PARVA: variants seen among roughly 807,000 people sequenced by gnomAD.
PARVA encodes parvin alpha.
In PARVA, 25 loss-of-function variants were observed where a neutral mutation model predicts 52.6. The ratio of observed to expected loss-of-function variants is 0.48; its 90% CI spans 0.35 to 0.66. PARVA has a LOEUF of 0.66. PARVA is among the 30% of genes least tolerant of loss of function. PARVA has a pLI of 0.01. For missense variants in PARVA, 373 were observed against 450.9 expected (o/e 0.83, Z 1.56); for synonymous variants, 185 against 179.1 (o/e 1.03, Z -0.26).
intron 12 of PARVA, among the ~76,000 whole-genome samples, chr11:12,527,370 A>C (rs965322045): frequency 2.6e-5 from 4 of 152,168 alleles, no homozygotes; most frequent in Non-Finnish European, 5.9e-5. Context: ...CTCCAGCTGA[A>C]GTTTTAGCAC....
At chr11:12,470,269 T>C (rs1485780481) in intron 1 of PARVA, among the ~76,000 whole-genome samples, 1 of 152,230 alleles carries the variant, frequency 6.6e-6, no homozygotes, top group South Asian at 2.1e-4. Flanking sequence ...ATTTCTTGAG[T>C]GCTTACAATG....
At chr11:12,386,647 G>A (rs1939575854) in intron 1 of PARVA, among the ~76,000 whole-genome samples, 1 of 152,144 alleles carries the variant, frequency 6.6e-6, no homozygotes. Flanking sequence ...TATTTACCTT[G>A]ATGAAAATAG....
chr11:12,409,808 A>G (rs1939968342), intron 1 of PARVA, among the ~76,000 whole-genome samples: 1 of 152,278 alleles, frequency 6.6e-6, no homozygotes, highest in African/African-American at 2.4e-5. Context: ...CTAATTTGTT[A>G]GAGCCACAGT....
intron 6 of PARVA, among the ~76,000 whole-genome samples, 194 bp downstream of exon 6, chr11:12,504,623 G>C (rs1163849696): frequency 6.6e-6 from 1 of 152,190 alleles, no homozygotes; most frequent in Non-Finnish European, 1.5e-5. Flanking sequence ...ACACAAGATG[G>C]AAGAGCGTGT....
At chr11:12,401,974 T>C (rs1278123740) in intron 1 of PARVA, among the ~76,000 whole-genome samples, 1 of 152,210 alleles carries the variant, frequency 6.6e-6, no homozygotes, top group African/African-American at 2.4e-5. Flanking sequence ...AGAATGTAGA[T>C]AATAATTTCA....
At position 12,510,582 on chromosome 11, in the gene PARVA, AAATGGTTT is replaced by A. The variant is rs201084823; in HGVS notation, c.717-929_717-922del. Among the ~76,000 whole-genome samples the A allele has an allele frequency of 9.5e-3, 1,447 of 152,162 alleles. 21 individuals are homozygous for A. The highest frequency in any genetic ancestry group is 0.033 in the African/African-American group (1,360 of 41,466). ...AAAACTGGGAATGAAAAATGGTGAAAAATGGTTTAACTGGACTTACAGTTCCACATGGC... is the reference window on the plus strand; with the variant it reads ...AAAACTGGGAATGAAAAATGGTGAAAAACTGGACTTACAGTTCCACATGGC... On this transcript the variant is annotated intron_variant, in intron 7 of 12. Transcript: ENST00000334956.
chr11:12,413,666 G>A (rs1940024275), intron 1 of PARVA, among the ~76,000 whole-genome samples: 1 of 152,200 alleles, frequency 6.6e-6, no homozygotes, highest in Non-Finnish European at 1.5e-5. Flanking sequence ...CCTCTCCTCT[G>A]CTTTAACCTC....
rs765226403 is a variant in PARVA at position 12,473,758 on chromosome 11, G to C, written c.150G>C (p.Gln50His). The change falls in exon 2 of 13, where the codon CAG becomes CAC. Residue 50 changes from glutamine (Q) to histidine (H), a missense_variant. Transcript: ENST00000334956. ...RKKAKEVSEL[Q>H]EEGMNAINLP... ...CTTTTCTTCCAGTGTCCGAGCTGCAGGAGGAGGGAATGAACGCCATCAACC... is the reference window on the plus strand; with the variant it reads ...CTTTTCTTCCAGTGTCCGAGCTGCACGAGGAGGGAATGAACGCCATCAACC... 3.8e-6 allele frequency: 6 copies of C among 1,564,886 alleles called. No homozygotes were observed. Among genetic ancestry groups the C allele is most frequent in the Non-Finnish European group, 5.2e-6 (6 of 1,153,936 alleles).
At chr11:12,402,166 G>C (rs571661934) in intron 1 of PARVA, among the ~76,000 whole-genome samples, 71 of 152,266 alleles carry the variant, frequency 4.7e-4, no homozygotes, top group African/African-American at 1.7e-3. Flanking sequence ...GTGCCCCAAG[G>C]CAACAGCAGG....
intron 1 of PARVA, among the ~76,000 whole-genome samples, chr11:12,465,226 C>A (rs915013209): frequency 5.9e-5 from 9 of 152,054 alleles, no homozygotes; most frequent in Non-Finnish European, 1.5e-5. Context: ...GGACTGGTGG[C>A]TTTATAAGAA....
At chr11:12,518,297 C>G (rs1941595766) in intron 11 of PARVA, 148 bp from the exon 12 acceptor site, 2 of 646,216 alleles carry the variant, frequency 3.1e-6, no homozygotes, top group East Asian at 5.5e-5. Context: ...TCCAGGTGGC[C>G]TGCCCATTTT....
chr11:12,395,092 A>AG (rs201608084), intron 1 of PARVA, among the ~76,000 whole-genome samples: 12,608 of 137,032 alleles, frequency 0.092, 674 homozygotes, highest in African/African-American at 0.15. Context: ...ACTCCATCTC[A>AG]AAAAAAAAAA....
At chr11:12,455,898 G>A (rs1940687829) in intron 1 of PARVA, among the ~76,000 whole-genome samples, 1 of 152,194 alleles carries the variant, frequency 6.6e-6, no homozygotes, top group Non-Finnish European at 1.5e-5. Context: ...ATTAACACCT[G>A]TAAAATATTC....
At chr11:12,497,146 T>A (rs1220974776) in intron 5 of PARVA, among the ~76,000 whole-genome samples, 2 of 152,210 alleles carry the variant, frequency 1.3e-5, no homozygotes, top group Non-Finnish European at 2.9e-5. Context: ...TCAGAAAGCA[T>A]AAATTATTAG....
At chr11:12,400,849 C>G (rs1939817714) in intron 1 of PARVA, among the ~76,000 whole-genome samples, 1 of 152,128 alleles carries the variant, frequency 6.6e-6, no homozygotes, top group South Asian at 2.1e-4. Context: ...TGCCTGAACA[C>G]AAATATTTAA....
chr11:12,421,625 G>T (rs1328778948), intron 1 of PARVA, among the ~76,000 whole-genome samples: 1 of 152,214 alleles, frequency 6.6e-6, no homozygotes, highest in Non-Finnish European at 1.5e-5. Context: ...GGACAGATCA[G>T]TGATGATACC....
At chr11:12,377,907 C>A in intron 1 of PARVA, 124 bp downstream of exon 1, 1 of 386,428 alleles carries the variant, frequency 2.6e-6, no homozygotes, top group Non-Finnish European at 4.0e-6. Context: ...GGGCGCGCGG[C>A]GATGCGTGCG....
rs140234577 is a variant in PARVA, at chr11:12,410,991, C to T, written c.136+33208C>T. ...CTGTAAAATGGGGGTGTGATACTGA[C>T]GATCCCTAGTTCATGAGGCTGTTGT... is the stretch of plus-strand genomic sequence containing the variant. On this transcript the variant is annotated intron_variant, in intron 1 of 12. Transcript: ENST00000334956. Among the ~76,000 whole-genome samples the T allele has an allele frequency of 2.9e-3, 444 of 152,202 alleles. 1 individual carries two copies. Among genetic ancestry groups the T allele is most frequent in the Non-Finnish European group, 4.6e-3 (312 of 68,014 alleles).
At chr11:12,414,555 G>A (rs1265606549) in intron 1 of PARVA, among the ~76,000 whole-genome samples, 5 of 152,046 alleles carry the variant, frequency 3.3e-5, no homozygotes, top group East Asian at 1.9e-4. Flanking sequence ...ATCAGAAAGC[G>A]TTTGGAGATG....
Sources: allele counts gnomAD v4.1 joint callset (sites outside exome capture counted in the v4.1 genomes callset), GRCh38; gene constraint gnomAD v4.1.1; transcripts MANE v1.5; gene names NCBI Gene and HGNC (gene_info 2026-07-23, HGNC 2026-07-21).